PHLDB3: variants seen among roughly 807,000 people sequenced by gnomAD.
PHLDB3 encodes pleckstrin homology-like domain family B member 3.
Under a neutral mutation model 85.7 loss-of-function variants are expected in PHLDB3, and 86 were observed. The ratio of observed to expected loss-of-function variants is 1.00; its 90% CI spans 0.84 to 1.20. The LOEUF (loss-of-function observed/expected upper bound fraction) is 1.20. Ranked by LOEUF, PHLDB3 falls within the 50% of genes most tolerant of loss-of-function variation. PHLDB3 has a pLI of 0.00. For missense variants in PHLDB3, 995 were observed against 873.0 expected, an observed-to-expected ratio of 1.14 and a Z score of -1.76; for synonymous variants, 376 against 349.8, an observed-to-expected ratio of 1.07 and a Z score of -0.83.
intron 13 of PHLDB3, among the ~76,000 whole-genome samples, chr19:43,480,299 A>C (rs1261379477): frequency 6.9e-6 from 1 of 144,300 alleles, no homozygotes; most frequent in Non-Finnish European, 1.5e-5. Flanking sequence ...AAAAGGAGAG[A>C]GAGAAGAGAA....
intron 9 of PHLDB3, among the ~76,000 whole-genome samples, chr19:43,491,302 C>A (rs766796117): frequency 3.3e-5 from 5 of 152,086 alleles, no homozygotes; most frequent in African/African-American, 7.2e-5. Flanking sequence ...AATAACGGAA[C>A]CTGCTTGTGA....
chr19:43,486,474 C>A, intron 12 of PHLDB3, 135 bp downstream of exon 12: 1 of 1,291,986 alleles, frequency 7.7e-7, no homozygotes, highest in Non-Finnish European at 1.1e-6. Context: ...GGCCTGGACT[C>A]CTGGGTCTGA....
intron 9 of PHLDB3, among the ~76,000 whole-genome samples, chr19:43,489,580 CA>C (rs1192110246): frequency 2.6e-5 from 4 of 152,108 alleles, no homozygotes; most frequent in African/African-American, 9.6e-5. Flanking sequence ...AATATCCTCC[CA>C]CACCATGTGA....
chr19:43,495,626 C>G lies in PHLDB3; in HGVS notation c.826-6G>C. 6.2e-7 allele frequency: 1 copy of G among 1,605,830 alleles called. No homozygotes were observed. The highest frequency in any genetic ancestry group is 8.5e-7 in the Non-Finnish European group (1 of 1,176,494). ...CGGTGCTGCAGAGCACCCCTCTGTC[C>G]CGGTTACTCATCTGTCACGGCCCCA... On this transcript the variant is annotated splice_polypyrimidine_tract_variant and splice_region_variant and intron_variant, in intron 6 of 15. Transcript: ENST00000292140.
chr19:43,477,109 A>G (rs1209928165), intron 15 of PHLDB3, among the ~76,000 whole-genome samples: 2 of 152,196 alleles, frequency 1.3e-5, no homozygotes, highest in African/African-American at 2.4e-5. Context: ...CTGGCAGATC[A>G]TCTCCTTTAG....
At chr19:43,498,328 C>A (rs980388467) in intron 4 of PHLDB3, among the ~76,000 whole-genome samples, 1 of 149,906 alleles carries the variant, frequency 6.7e-6, no homozygotes. Context: ...CAGAGGGAGA[C>A]ACTGTCTCGA....
chr19:43,475,550 A>C lies in PHLDB3; in HGVS notation c.1789-6T>G. On this transcript the variant is annotated splice_region_variant and splice_polypyrimidine_tract_variant and intron_variant, in intron 15 of 15. Transcript: ENST00000292140. ...GTCAGGCGGGGGTTGGGGCTCTGGA[A>C]TAAGCAGAAAGTGAGGGTAATTCAG... 1 of 1,613,822 alleles carries C rather than the reference A, an allele frequency of 6.2e-7. No individual in the cohort carries two copies. Among genetic ancestry groups the C allele is most frequent in the East Asian group, 2.2e-5 (1 of 44,838 alleles).
chr19:43,503,157 C>T (rs1971657971), intron 2 of PHLDB3, among the ~76,000 whole-genome samples: 1 of 152,126 alleles, frequency 6.6e-6, no homozygotes, highest in Admixed American at 6.6e-5. Context: ...GTGTCTCTGT[C>T]TTTTTGGGGT....
chr19:43,501,949 C>G lies in PHLDB3; in HGVS notation c.397-78G>C, dbSNP rs1971613663. Reference sequence around the variant, plus strand: ...GGCCCAGGGCCTGAACTACCGGATTCGAAGGGAGGATGGACTCCAGGGACC... The same window carrying G: ...GGCCCAGGGCCTGAACTACCGGATTGGAAGGGAGGATGGACTCCAGGGACC... On this transcript the variant is annotated intron_variant, in intron 3 of 15. Transcript: ENST00000292140. The G allele has an allele frequency of 6.0e-6, 9 of 1,491,190 alleles. No individual in the cohort carries two copies. In the South Asian group the frequency reaches 1.1e-4, roughly 18 times the overall value. The allele number at this position is 1,491,190 out of a possible 1,614,324, so 92.4% of individuals were successfully genotyped here.
chr19:43,490,991 A>C (rs1023605215), intron 9 of PHLDB3, among the ~76,000 whole-genome samples: 1 of 152,226 alleles, frequency 6.6e-6, no homozygotes, highest in African/African-American at 2.4e-5. Context: ...AGAAGCATGC[A>C]TGGCCCCCAG....
In PHLDB3 at chr19:43,497,212, T is replaced by C; in HGVS notation, c.731A>G (p.Glu244Gly). The change falls in exon 6 of 16, where the codon GAG (glutamate) becomes GGG (glycine). Residue 244 changes from glutamate (E) to glycine (G), a missense_variant. Physicochemically the swap from Glu to Gly is moderately conservative, Grantham distance 98. Transcript: ENST00000292140. ...CCGATCCTCCTCCTCCTGCCGGCTC[T>C]CCCGCTCCAGTTGCTGGAACTCCAG... ...EDLEFQQLER[E>G]SRQEEEDRDS... The C allele has an allele frequency of 6.5e-7, 1 of 1,548,520 alleles. No individual in the cohort carries two copies. The highest frequency in any genetic ancestry group is 8.7e-7 in the Non-Finnish European group (1 of 1,149,576).
intron 9 of PHLDB3, among the ~76,000 whole-genome samples, chr19:43,488,371 C>G (rs371066507): frequency 6.6e-6 from 1 of 151,924 alleles, no homozygotes; most frequent in Non-Finnish European, 1.5e-5. Context: ...GTGGAAGGAT[C>G]GCTTGAACCC....
At chr19:43,478,278 A>T in intron 14 of PHLDB3, 146 bp from the exon 15 acceptor site, 4 of 593,236 alleles carry the variant, frequency 6.7e-6, no homozygotes, top group Non-Finnish European at 9.0e-6. Context: ...AAAGGTTGGG[A>T]GGTGAGTGAA....
In PHLDB3 at chr19:43,495,279, C is replaced by T; in HGVS notation, c.1012G>A (p.Glu338Lys). The T allele has an allele frequency of 6.2e-7, 1 of 1,613,828 alleles. No individual in the cohort carries two copies. Among genetic ancestry groups the T allele is most frequent in the Admixed American group, 1.7e-5 (1 of 59,972 alleles). The change falls in exon 8 of 16, where the codon GAG (glutamate) becomes AAG (lysine). Residue 338 changes from glutamate (E) to lysine (K), a missense_variant. Glu to Lys is a moderately conservative substitution (Grantham distance 56). Transcript: ENST00000292140. ...LQGTPGGDFS[E>K]PNPALTKLLF... ...ACCTTAGTGAGGGCCGGGTTGGGCT[C>T]AGAGAAGTCCCCGCCAGGTGTTCCC... is the stretch of plus-strand genomic sequence containing the variant.
chr19:43,497,997 A>G, intron 4 of PHLDB3, 121 bp from the exon 5 acceptor site: 1 of 1,411,702 alleles, frequency 7.1e-7, no homozygotes, highest in Non-Finnish European at 9.3e-7. Flanking sequence ...CATCTATGTG[A>G]TTCACTCCTG....
intron 9 of PHLDB3, among the ~76,000 whole-genome samples, chr19:43,491,453 C>T (rs1192628651): frequency 3.3e-5 from 5 of 152,032 alleles, no homozygotes; most frequent in Admixed American, 1.3e-4. Context: ...AGACCCTGAC[C>T]TATATTAAGT....
At chr19:43,477,985 A>G in intron 15 of PHLDB3, 62 bp downstream of exon 15, 1 of 1,389,304 alleles carries the variant, frequency 7.2e-7, no homozygotes, top group Non-Finnish European at 1.0e-6. Context: ...CAGGGATGAG[A>G]TAAGGCCTGA....
intron 13 of PHLDB3, among the ~76,000 whole-genome samples, chr19:43,484,339 C>T (rs1185608639): frequency 2.0e-5 from 3 of 147,636 alleles, no homozygotes; most frequent in African/African-American, 7.5e-5. Context: ...TGAATATGGA[C>T]TATATATTAC....
chr19:43,479,132 A>G (rs1483925095), intron 14 of PHLDB3, among the ~76,000 whole-genome samples: 2 of 151,882 alleles, frequency 1.3e-5, no homozygotes, highest in African/African-American at 4.8e-5. Context: ...CCTGAGGAGG[A>G]CTGGGGGTTT....
Sources: allele counts gnomAD v4.1 joint callset (sites outside exome capture counted in the v4.1 genomes callset), GRCh38; gene constraint gnomAD v4.1.1; transcripts MANE v1.5; gene names NCBI Gene and HGNC (gene_info 2026-07-23, HGNC 2026-07-21).